The following NXPE2 variants were observed in gnomAD, a reference collection of about 807,000 sequenced individuals.
The protein encoded by NXPE2 is NXPE family member 2.
NXPE2 carries 34 observed loss-of-function variants against 34.4 expected under a neutral mutation model. The observed-to-expected ratio is 0.99, with a 90% CI of 0.75 to 1.31. NXPE2 has a LOEUF of 1.31. Among genes scored for constraint, NXPE2 ranks in the 40% most tolerant of loss-of-function variants. The pLI is 0.00. For missense variants in NXPE2, 649 were observed against 672.5 expected, an observed-to-expected ratio of 0.97 and a Z score of 0.39; for synonymous variants, 235 against 231.3, an observed-to-expected ratio of 1.02 and a Z score of -0.15.
the NXPE2 span, among the ~76,000 whole-genome samples, chr11:114,485,181 T>C: frequency 6.6e-6 from 1 of 152,078 alleles, no homozygotes; most frequent in Admixed American, 6.6e-5. Flanking sequence ...ACTTCCCTTG[T>C]GTTATAAACA....
intron 2 of NXPE2, among the ~76,000 whole-genome samples, chr11:114,696,771 TA>T (rs1233892642): frequency 6.6e-6 from 1 of 152,200 alleles, no homozygotes; most frequent in East Asian, 1.9e-4. Flanking sequence ...GACGGCCCCC[TA>T]AAAATGTGTC....
the NXPE2 span, among the ~76,000 whole-genome samples, chr11:114,667,361 A>G: frequency 6.6e-6 from 1 of 152,178 alleles, no homozygotes; most frequent in Non-Finnish European, 1.5e-5. Flanking sequence ...GTCAATTTGA[A>G]GCTTAATTCT....
At chr11:114,596,170 A>C in the NXPE2 span, among the ~76,000 whole-genome samples, 1 of 152,186 alleles carries the variant, frequency 6.6e-6, no homozygotes, top group Non-Finnish European at 1.5e-5. Context: ...AGTAGGTTTC[A>C]ATACAATTTG....
At chr11:114,620,134 G>T in the NXPE2 span, among the ~76,000 whole-genome samples, 25 of 152,094 alleles carry the variant, frequency 1.6e-4, no homozygotes, top group South Asian at 3.9e-3. Context: ...TTCCTCGTGG[G>T]AAACCACTGT....
chr11:114,803,394 C>A, the NXPE2 span, among the ~76,000 whole-genome samples: 2 of 152,270 alleles, frequency 1.3e-5, no homozygotes, highest in South Asian at 4.1e-4. Flanking sequence ...GTGGCTATAA[C>A]AAGATACCTT....
At chr11:114,539,419 A>G in the NXPE2 span, among the ~76,000 whole-genome samples, 1 of 143,278 alleles carries the variant, frequency 7.0e-6, no homozygotes, top group South Asian at 2.2e-4. Context: ...TGTACCCTAA[A>G]ACTTAAAGTA....
the NXPE2 span, among the ~76,000 whole-genome samples, chr11:114,786,019 C>T: frequency 3.9e-5 from 6 of 152,250 alleles, no homozygotes; most frequent in African/African-American, 1.4e-4. Context: ...GTGCCAAGTC[C>T]TTCCCTCCAG....
At chr11:114,512,890 A>G in the NXPE2 span, 2 of 242,796 alleles carry the variant, frequency 8.2e-6, no homozygotes, top group Non-Finnish European at 1.6e-5. Context: ...TGAGTTTGAA[A>G]CCAGAGCGCA....
chr11:114,654,738 G>T, the NXPE2 span, among the ~76,000 whole-genome samples: 1 of 152,072 alleles, frequency 6.6e-6, no homozygotes, highest in East Asian at 1.9e-4. Flanking sequence ...CATTTGACTT[G>T]GTTCCGTGTC....
chr11:114,671,574 A>G, the NXPE2 span, among the ~76,000 whole-genome samples: 1 of 152,050 alleles, frequency 6.6e-6, no homozygotes, highest in Admixed American at 6.6e-5. Flanking sequence ...GGTAACCACA[A>G]TAAGACTAAC....
At chr11:114,763,358 A>G in the NXPE2 span, among the ~76,000 whole-genome samples, 1 of 152,176 alleles carries the variant, frequency 6.6e-6, no homozygotes, top group East Asian at 1.9e-4. Flanking sequence ...TTAGAGGATA[A>G]CTGCTGTTAT....
intron 2 of NXPE2, among the ~76,000 whole-genome samples, chr11:114,688,009 T>G (rs932438009): frequency 1.3e-5 from 2 of 152,118 alleles, no homozygotes; most frequent in African/African-American, 4.8e-5. Flanking sequence ...TTTAAGGTTT[T>G]CTAGGTATAG....
the NXPE2 span, among the ~76,000 whole-genome samples, chr11:114,638,871 C>T: frequency 6.6e-5 from 10 of 151,726 alleles, no homozygotes; most frequent in African/African-American, 2.2e-4. Context: ...TCAGTCTGCC[C>T]CTACTGGGGG....
At chr11:114,557,183 C>T in the NXPE2 span, among the ~76,000 whole-genome samples, 10 of 152,204 alleles carry the variant, frequency 6.6e-5, no homozygotes, top group Middle Eastern at 3.4e-3. Context: ...CATGAGCTAC[C>T]GTGCCCGGCC....
the NXPE2 span, chr11:114,550,982 G>A: frequency 1.6e-6 from 1 of 612,432 alleles, no homozygotes; most frequent in South Asian, 2.0e-5. Flanking sequence ...AGAGAGAGAA[G>A]ATAGGGCAGT....
the NXPE2 span, among the ~76,000 whole-genome samples, chr11:114,608,199 C>A: frequency 1.3e-5 from 2 of 151,746 alleles, no homozygotes; most frequent in African/African-American, 4.8e-5. Flanking sequence ...ACCATGGTTA[C>A]CCGGTGGATA....
chr11:114,747,182 T>C, the NXPE2 span, among the ~76,000 whole-genome samples: 1 of 152,182 alleles, frequency 6.6e-6, no homozygotes, highest in Non-Finnish European at 1.5e-5. Flanking sequence ...ACCACAAACT[T>C]AGTGGCTCAA....
chr11:114,538,518 G>A, the NXPE2 span, among the ~76,000 whole-genome samples: 6 of 152,126 alleles, frequency 3.9e-5, no homozygotes, highest in Non-Finnish European at 8.8e-5. Context: ...GAAAATTTTT[G>A]CAACCTACTC....
chr11:114,550,661 G>T, the NXPE2 span, among the ~76,000 whole-genome samples: 1 of 151,948 alleles, frequency 6.6e-6, no homozygotes, highest in African/African-American at 2.4e-5. Context: ...TCTTTGAGCG[G>T]GAAAAACTTT....
Sources: gnomAD v4.1 joint callset for allele counts (sites outside exome capture counted in the v4.1 genomes callset) on GRCh38, gnomAD v4.1.1 for gene constraint, MANE v1.5 for transcripts, NCBI Gene and HGNC (gene_info 2026-07-23, HGNC 2026-07-21) for gene names.